YJU2: variants seen among roughly 807,000 people sequenced by gnomAD.
YJU2 encodes the protein YJU2 splicing factor homolog, also known as splicing factor YJU2.
Under a neutral mutation model 39.6 loss-of-function variants are expected in YJU2, and 28 were observed. The ratio of observed to expected loss-of-function variants is 0.71; its 90% CI spans 0.52 to 0.97. The LOEUF (loss-of-function observed/expected upper bound fraction) is 0.97. Ranked by LOEUF, YJU2 falls within the 50% of genes least tolerant of loss-of-function variation. The pLI is 0.00. For missense variants in YJU2, 328 were observed against 430.4 expected, an observed-to-expected ratio of 0.76 and a Z score of 2.11; for synonymous variants, 184 against 182.4, an observed-to-expected ratio of 1.01 and a Z score of -0.07.
At chr19:4,252,047 T>G (rs1228492769) in intron 3 of YJU2, among the ~76,000 whole-genome samples, 1 of 152,166 alleles carries the variant, frequency 6.6e-6, no homozygotes, top group Non-Finnish European at 1.5e-5. Context: ...AATTGCAATT[T>G]GACTTTTATT....
At chr19:4,250,736 C>T (rs72980969) in intron 2 of YJU2, among the ~76,000 whole-genome samples, 2 of 152,026 alleles carry the variant, frequency 1.3e-5, no homozygotes, top group African/African-American at 2.4e-5. Context: ...TGGGGTGCCC[C>T]GTAAGCACAA....
chr19:4,247,296 G>C, intron 1 of YJU2, 126 bp downstream of exon 1: 1 of 832,314 alleles, frequency 1.2e-6, no homozygotes, highest in Admixed American at 2.4e-5. Flanking sequence ...GCGAGATGGG[G>C]CTTCCCAGAC....
chr19:4,249,188 C>T (rs1269665847), intron 1 of YJU2, 40 bp from the exon 2 acceptor site: 1 of 1,422,316 alleles, frequency 7.0e-7, no homozygotes, highest in Admixed American at 1.8e-5. Context: ...GCCCCTGCTT[C>T]TGAAAATAAC....
intron 7 of YJU2, 21 bp from the exon 8 acceptor site, chr19:4,268,563 T>G (rs1450169759): frequency 1.3e-6 from 2 of 1,561,528 alleles, no homozygotes; most frequent in Admixed American, 1.7e-5. Flanking sequence ...TGAGATGAGC[T>G]AACTCTCGCT....
chr19:4,256,178 A>AT (rs1568361761), intron 4 of YJU2, among the ~76,000 whole-genome samples: 113 of 97,080 alleles, frequency 1.2e-3, no homozygotes, highest in Non-Finnish European at 1.6e-3. Flanking sequence ...GCAAAAAAAA[A>AT]AAAATATATA....
In YJU2 at chr19:4,258,423, C is replaced by A; in HGVS notation, c.587C>A (p.Ala196Glu). The change falls in exon 5 of 8, where the codon GCG (alanine) becomes GAG (glutamate). Residue 196 changes from alanine to glutamate, a missense_variant and splice_region_variant. Transcript: ENST00000262962. ...QQQEEDEQET[A>E]ALLEEARKRR... ...CAGGAGGAGGACGAGCAGGAGACCG[C>A]GTGAGTCAGGGCCGGCCCAACCCAG... The A allele has an allele frequency of 6.3e-7, 1 of 1,581,812 alleles. No individual in the cohort carries two copies.
intron 4 of YJU2, among the ~76,000 whole-genome samples, chr19:4,254,790 G>A (rs1568361484): frequency 6.6e-6 from 1 of 151,972 alleles, no homozygotes; most frequent in Non-Finnish European, 1.5e-5. Context: ...GGGCGCAGTG[G>A]CTCACACCTG....
Position 4,267,670 on chromosome 19 carries a change from G to A in YJU2, c.755G>A (p.Gly252Asp). 1.2e-6 allele frequency: 2 copies of A among 1,613,422 alleles called. No homozygotes were observed. The highest frequency in any genetic ancestry group is 1.7e-6 in the Non-Finnish European group (2 of 1,179,910). The change falls in exon 7 of 8, where the codon GGC (glycine) becomes GAC (aspartate). Residue 252 changes from glycine to aspartate, a missense_variant. Physicochemically the swap from Gly to Asp is moderately conservative, Grantham distance 94. Coordinates refer to ENST00000262962, the MANE Select transcript of YJU2 (RefSeq NM_018074.6). ...RKVEVWEQSV[G>D]SLGSRPPLSR... ...GTGGAGGTCTGGGAGCAGAGCGTTG[G>A]CAGCCTGGGCAGCCGGCCCCCGCTG...
At chr19:4,253,636 A>G (rs561184460) in intron 3 of YJU2, among the ~76,000 whole-genome samples, 1 of 152,140 alleles carries the variant, frequency 6.6e-6, no homozygotes, top group Non-Finnish European at 1.5e-5. Flanking sequence ...GGTAGATTTC[A>G]GTTTTTCTGC....
At chr19:4,263,332 C>T (rs1971087877) in intron 6 of YJU2, among the ~76,000 whole-genome samples, 1 of 152,126 alleles carries the variant, frequency 6.6e-6, no homozygotes, top group African/African-American at 2.4e-5. Flanking sequence ...CTCAGAGCAC[C>T]TTCAGGGTCC....
chr19:4,264,493 CTT>C (rs578217170), intron 6 of YJU2, among the ~76,000 whole-genome samples: 4 of 137,116 alleles, frequency 2.9e-5, no homozygotes, highest in Non-Finnish European at 1.6e-5. Context: ...TTCTTTCTTT[CTT>C]TTTTTTTTTT....
chr19:4,264,067 C>A (rs1971094807), intron 6 of YJU2, among the ~76,000 whole-genome samples: 1 of 151,530 alleles, frequency 6.6e-6, no homozygotes. Flanking sequence ...TCGAGATCAT[C>A]CTATCTAACA....
At chr19:4,255,622 G>A (rs1971013193) in intron 4 of YJU2, among the ~76,000 whole-genome samples, 1 of 151,624 alleles carries the variant, frequency 6.6e-6, no homozygotes, top group Non-Finnish European at 1.5e-5. Flanking sequence ...CCAGCTACTC[G>A]GGAGGCTGAG....
chr19:4,258,331 G>T lies in YJU2; in HGVS notation c.495G>T (p.Ala165=), dbSNP rs200311553. ...QELKDLNQRQ[A]HVDFEAMLRQ... ...TGAAAGACCTGAACCAGCGGCAGGC[G>T]CACGTGGACTTCGAGGCTATGCTGA... The change falls in exon 5 of 8, where the codon GCG becomes GCT. Residue 165 remains alanine (A), a synonymous_variant. Coordinates refer to ENST00000262962, the MANE Select transcript of YJU2 (RefSeq NM_018074.6). The T allele has an allele frequency of 8.2e-6, 13 of 1,583,480 alleles. No individual in the cohort carries two copies. The highest frequency in any genetic ancestry group is 8.1e-5 in the South Asian group (7 of 86,448).
intron 1 of YJU2, 126 bp from the exon 2 acceptor site, chr19:4,249,102 G>A (rs1970954446): frequency 4.8e-6 from 3 of 627,000 alleles, no homozygotes; most frequent in Non-Finnish European, 8.7e-6. Flanking sequence ...AGTCCTCCCT[G>A]CCTGTCGCGG....
chr19:4,256,179 A>ATATATATATATAT (rs1374495655), intron 4 of YJU2, among the ~76,000 whole-genome samples: 1 of 97,274 alleles, frequency 1.0e-5, no homozygotes, highest in African/African-American at 5.3e-5. Context: ...CAAAAAAAAA[A>ATATATATATATAT]AAATATATAT....
In YJU2 at chr19:4,247,633, GTGTGTGTGTGTGTGTGTGTGTGTGTGT is replaced by G. The variant is rs1568359625; in HGVS notation, c.24+464_24+490del. ...TGTGTGTGTGTGTGTGTGTGTGTGT[GTGTGTGTGTGTGTGTGTGTGTGTGTGT>G]GTGTGTGTGTGTGTGTGTGTGTGTG... On this transcript the variant is annotated intron_variant, in intron 1 of 7. Coordinates refer to ENST00000262962, the MANE Select transcript of YJU2 (RefSeq NM_018074.6). Among the ~76,000 whole-genome samples, 94 of 64,318 alleles carry G rather than the reference GTGTGTGTGTGTGTGTGTGTGTGTGTGT, an allele frequency of 1.5e-3. 11 individuals are homozygous for G. The highest frequency in any genetic ancestry group is 3.3e-3 in the African/African-American group (40 of 12,294). The allele number at this position is 64,318 out of a possible 152,430, so 42.2% of individuals were successfully genotyped here.
intron 1 of YJU2, 59 bp from the exon 2 acceptor site, chr19:4,249,169 C>A: frequency 1.7e-6 from 2 of 1,209,120 alleles, no homozygotes; most frequent in South Asian, 1.3e-5. Flanking sequence ...CTTCCCTCTG[C>A]CATGTCCTGC....
intron 4 of YJU2, among the ~76,000 whole-genome samples, chr19:4,258,009 A>C (rs1971036102): frequency 6.6e-6 from 1 of 152,140 alleles, no homozygotes; most frequent in African/African-American, 2.4e-5. Context: ...CAGGGCTCAG[A>C]TCCCGGCTCC....
Sources: gnomAD v4.1 joint callset for allele counts (sites outside exome capture counted in the v4.1 genomes callset) on GRCh38, gnomAD v4.1.1 for gene constraint, MANE v1.5 for transcripts, NCBI Gene and HGNC (gene_info 2026-07-23, HGNC 2026-07-21) for gene names.